SLC10A7: variants seen among roughly 807,000 people sequenced by gnomAD.
SLC10A7 encodes sodium/bile acid cotransporter 7.
A neutral mutation model predicts 43.2 loss-of-function variants in SLC10A7; 29 were observed. The observed-to-expected ratio is 0.67, with a 90% CI of 0.50 to 0.92. The LOEUF is 0.92. Among genes scored for constraint, SLC10A7 ranks in the 40% least tolerant of loss-of-function variants. The pLI, the probability that SLC10A7 is intolerant of heterozygous loss-of-function variation, is 0.00. For synonymous variants in SLC10A7, 152 were observed against 144.8 expected (o/e 1.05, Z -0.35); for missense variants, 295 against 403.2 (o/e 0.73, Z 2.30).
At chr4:146,390,138 A>G (rs1488076088) in intron 5 of SLC10A7, among the ~76,000 whole-genome samples, 1 of 152,222 alleles carries the variant, frequency 6.6e-6, no homozygotes, top group Non-Finnish European at 1.5e-5. Context: ...AATATTTTAT[A>G]TCTTACACAG....
Position 146,491,718 on chromosome 4 carries a change from AGGAAGGAAGGAAG to A in SLC10A7, c.396+12118_396+12130del, listed in dbSNP as rs1487612396. 3.9e-3 allele frequency among the ~76,000 whole-genome samples: 580 copies of A among 150,224 alleles called. 5 individuals carry two copies. Among genetic ancestry groups the A allele is most frequent in the Non-Finnish European group, 4.5e-3 (302 of 67,322 alleles). On this transcript the variant is annotated intron_variant, in intron 4 of 11. Transcript: ENST00000335472. Reference sequence around the variant, plus strand: ...AAGGAAGGAAGGAAGGAAGGAAGGAAGGAAGGAAGGAAGGAAGGAAGGAAGGAAATAAATTCCT... The same window carrying A: ...AAGGAAGGAAGGAAGGAAGGAAGGAAGAAGGAAGGAAGGAAATAAATTCCT...
intron 4 of SLC10A7, among the ~76,000 whole-genome samples, chr4:146,467,454 AACACAC>A (rs35773390): frequency 0.077 from 10,830 of 140,568 alleles, 629 homozygotes; most frequent in African/African-American, 0.16. Flanking sequence ...AGCAGGTTTA[AACACAC>A]ACACACACAC....
At chr4:146,355,901 A>T in intron 5 of SLC10A7, among the ~76,000 whole-genome samples, 1 of 57,278 alleles carries the variant, frequency 1.7e-5, no homozygotes. Context: ...GGGTGGGGGG[A>T]GGGGGGAGGG....
At chr4:146,290,967 A>G (rs1730406956) in intron 9 of SLC10A7, among the ~76,000 whole-genome samples, 2 of 152,248 alleles carry the variant, frequency 1.3e-5, no homozygotes, top group South Asian at 4.1e-4. Flanking sequence ...ACAGATCCTT[A>G]TGAAAGTCCA....
chr4:146,504,868 T>C (rs1386435206), intron 3 of SLC10A7, among the ~76,000 whole-genome samples: 1 of 152,240 alleles, frequency 6.6e-6, no homozygotes, highest in Non-Finnish European at 1.5e-5. Flanking sequence ...GTTTTTATTA[T>C]ATTATGTGCA....
chr4:146,317,137 A>G (rs147216392), intron 6 of SLC10A7, among the ~76,000 whole-genome samples: 48 of 152,204 alleles, frequency 3.2e-4, no homozygotes, highest in African/African-American at 1.1e-3. Flanking sequence ...AGTTCCTTCA[A>G]AGTGGCTTCA....
chr4:146,328,266 T>A (rs1195479066), intron 5 of SLC10A7, among the ~76,000 whole-genome samples: 1 of 152,122 alleles, frequency 6.6e-6, no homozygotes, highest in Non-Finnish European at 1.5e-5. Flanking sequence ...CGGGCCTCCC[T>A]GTGTGCTACT....
intron 4 of SLC10A7, among the ~76,000 whole-genome samples, chr4:146,475,504 C>T (rs77299515): frequency 2.6e-4 from 39 of 152,160 alleles, no homozygotes; most frequent in African/African-American, 9.4e-4. Context: ...CCCCAAACAT[C>T]CTTGCCTTCC....
At chr4:146,493,115 A>T (rs1735599333) in intron 4 of SLC10A7, among the ~76,000 whole-genome samples, 1 of 152,362 alleles carries the variant, frequency 6.6e-6, no homozygotes, top group East Asian at 1.9e-4. Context: ...TGCACAGACA[A>T]GCTACAGAAC....
At chr4:146,333,430 A>G (rs980681258) in intron 5 of SLC10A7, among the ~76,000 whole-genome samples, 1 of 152,154 alleles carries the variant, frequency 6.6e-6, no homozygotes, top group African/African-American at 2.4e-5. Context: ...TAAAATGATA[A>G]TGTTCAAAAT....
chr4:146,424,340 C>T (rs1018436782), intron 5 of SLC10A7, among the ~76,000 whole-genome samples: 1 of 152,180 alleles, frequency 6.6e-6, no homozygotes, highest in African/African-American at 2.4e-5. Flanking sequence ...ATGTGAGCCA[C>T]CATTCTTGTC....
intron 4 of SLC10A7, among the ~76,000 whole-genome samples, chr4:146,490,020 T>C (rs1341594348): frequency 6.6e-6 from 1 of 151,786 alleles, no homozygotes; most frequent in East Asian, 1.9e-4. Context: ...CAACAAAAAT[T>C]CTATTTTTTT....
At chr4:146,466,799 A>C (rs575982127) in intron 4 of SLC10A7, among the ~76,000 whole-genome samples, 23 of 152,320 alleles carry the variant, frequency 1.5e-4, no homozygotes, top group Non-Finnish European at 1.8e-4. Flanking sequence ...AATAAATTAA[A>C]TGCATCAGTG....
At chr4:146,440,700 C>T (rs1395153878) in intron 5 of SLC10A7, among the ~76,000 whole-genome samples, 1 of 152,080 alleles carries the variant, frequency 6.6e-6, no homozygotes, top group Non-Finnish European at 1.5e-5. Context: ...AATTATTTCT[C>T]TTATAACACT....
chr4:146,499,215 C>T lies in SLC10A7; in HGVS notation c.396+4634G>A, dbSNP rs138191881. Reference sequence around the variant, plus strand: ...TTTTCATACTTGTCATATACACCATCAAGAACATTTTGCAAGGACAATGCA... The same window carrying T: ...TTTTCATACTTGTCATATACACCATTAAGAACATTTTGCAAGGACAATGCA... On this transcript the variant is annotated intron_variant, in intron 4 of 11. Transcript: ENST00000335472. Among the ~76,000 whole-genome samples the T allele has an allele frequency of 3.3e-5, 5 of 152,250 alleles. No individual in the cohort carries two copies. In the East Asian group the frequency reaches 9.6e-4, roughly 29 times the overall value.
At chr4:146,506,982 T>C (rs1220988480) in intron 3 of SLC10A7, among the ~76,000 whole-genome samples, 3 of 152,194 alleles carry the variant, frequency 2.0e-5, no homozygotes, top group Non-Finnish European at 4.4e-5. Context: ...ATTATAAAAA[T>C]TTATGGCATA....
intron 5 of SLC10A7, among the ~76,000 whole-genome samples, chr4:146,359,987 T>G (rs1578988605): frequency 1.3e-5 from 2 of 152,142 alleles, no homozygotes; most frequent in East Asian, 3.9e-4. Flanking sequence ...GCCACAGAGC[T>G]GAATTTTCAC....
chr4:146,292,725 T>C (rs181413963), intron 9 of SLC10A7, among the ~76,000 whole-genome samples: 1 of 152,272 alleles, frequency 6.6e-6, no homozygotes, highest in African/African-American at 2.4e-5. Flanking sequence ...TCAATGTGGA[T>C]AGACAAGATA....
chr4:146,355,481 C>G (rs373163177), intron 5 of SLC10A7, among the ~76,000 whole-genome samples: 1 of 151,690 alleles, frequency 6.6e-6, no homozygotes, highest in African/African-American at 2.4e-5. Flanking sequence ...GTCAGTGTGG[C>G]GATTCCTCAG....
Sources: allele counts gnomAD v4.1 joint callset (sites outside exome capture counted in the v4.1 genomes callset), GRCh38; gene constraint gnomAD v4.1.1; transcripts MANE v1.5; gene names NCBI Gene and HGNC (gene_info 2026-07-23, HGNC 2026-07-21).